ENTREP2: variants seen among roughly 807,000 people sequenced by gnomAD.
ENTREP2 encodes protein ENTREP2.
chr15:29,119,227 G>C, the ENTREP2 span, among the ~76,000 whole-genome samples: 3 of 152,168 alleles, frequency 2.0e-5, no homozygotes, highest in Non-Finnish European at 4.4e-5. Context: ...AGAGAGCTGC[G>C]TATATGCCGA....
chr15:29,295,462 C>T, the ENTREP2 span, among the ~76,000 whole-genome samples: 1 of 152,204 alleles, frequency 6.6e-6, no homozygotes, highest in Non-Finnish European at 1.5e-5. Context: ...GTACTCATCC[C>T]TTATCCTTAG....
At chr15:29,279,405 A>C in the ENTREP2 span, among the ~76,000 whole-genome samples, 1 of 151,230 alleles carries the variant, frequency 6.6e-6, no homozygotes, top group South Asian at 2.1e-4. Flanking sequence ...TGGCTGTGTC[A>C]CCAGGCTGGT....
chr15:29,377,862 T>TAATAATAATAA, the ENTREP2 span, among the ~76,000 whole-genome samples: 37 of 100,974 alleles, frequency 3.7e-4, no homozygotes, highest in Non-Finnish European at 7.3e-4. Flanking sequence ...ATAATAATAA[T>TAATAATAATAA]AAAAAAATGA....
chr15:29,231,598 C>A, the ENTREP2 span, among the ~76,000 whole-genome samples: 1 of 151,992 alleles, frequency 6.6e-6, no homozygotes, highest in Non-Finnish European at 1.5e-5. Context: ...ATCCATATAT[C>A]CTTAGGAAAA....
At chr15:29,591,076 TTCTA>T in the ENTREP2 span, among the ~76,000 whole-genome samples, 1 of 152,200 alleles carries the variant, frequency 6.6e-6, no homozygotes, top group Admixed American at 6.5e-5. Context: ...TCTCATTTCT[TTCTA>T]TCTAAAAACA....
At chr15:29,624,606 A>T in the ENTREP2 span, among the ~76,000 whole-genome samples, 2 of 152,194 alleles carry the variant, frequency 1.3e-5, no homozygotes, top group Non-Finnish European at 2.9e-5. Flanking sequence ...CTAACTACAG[A>T]ATTTAAGAAA....
chr15:29,651,457 G>A, the ENTREP2 span, among the ~76,000 whole-genome samples: 3 of 152,200 alleles, frequency 2.0e-5, no homozygotes, highest in Admixed American at 2.0e-4. Flanking sequence ...GCAGCAGACA[G>A]GCAGGCCTGG....
the ENTREP2 span, among the ~76,000 whole-genome samples, chr15:29,547,532 T>C: frequency 2.0e-5 from 3 of 152,310 alleles, no homozygotes; most frequent in Admixed American, 2.0e-4. Flanking sequence ...CAACAAGGTA[T>C]CACCTCACCC....
chr15:29,652,933 G>C, the ENTREP2 span, among the ~76,000 whole-genome samples: 1 of 152,288 alleles, frequency 6.6e-6, no homozygotes, highest in African/African-American at 2.4e-5. Context: ...GTCAGACAAA[G>C]GCACCACCAA....
chr15:29,269,218 T>G, the ENTREP2 span: 1 of 1,614,092 alleles, frequency 6.2e-7, no homozygotes. Context: ...CTCGGCATCC[T>G]CCTCCACAGG....
chr15:29,588,590 A>G, the ENTREP2 span, among the ~76,000 whole-genome samples: 4 of 144,072 alleles, frequency 2.8e-5, no homozygotes, highest in Non-Finnish European at 6.0e-5. Flanking sequence ...GGAGGGAGGG[A>G]GGAAGGAAGG....
At chr15:29,577,055 C>T in the ENTREP2 span, among the ~76,000 whole-genome samples, 1 of 151,960 alleles carries the variant, frequency 6.6e-6, no homozygotes, top group Non-Finnish European at 1.5e-5. Context: ...GATCTGCCCA[C>T]CTCAGCCTCC....
the ENTREP2 span, among the ~76,000 whole-genome samples, chr15:29,448,734 C>A: frequency 6.6e-6 from 1 of 152,128 alleles, no homozygotes; most frequent in Non-Finnish European, 1.5e-5. Flanking sequence ...ATAAATATCA[C>A]ATCACATCGG....
chr15:29,233,883 C>A, the ENTREP2 span: 1 of 1,580,024 alleles, frequency 6.3e-7, no homozygotes. Flanking sequence ...TGAGCCTGAG[C>A]TGACATTGTA....
chr15:29,450,363 T>C, the ENTREP2 span, among the ~76,000 whole-genome samples: 2 of 152,212 alleles, frequency 1.3e-5, no homozygotes, highest in Non-Finnish European at 2.9e-5. Flanking sequence ...AGTTTTGGGT[T>C]TTTACATTTT....
chr15:29,553,149 A>C, the ENTREP2 span, among the ~76,000 whole-genome samples: 2 of 152,200 alleles, frequency 1.3e-5, no homozygotes, highest in Admixed American at 1.3e-4. Flanking sequence ...TACAAAAATT[A>C]GCCACTTATG....
the ENTREP2 span, among the ~76,000 whole-genome samples, chr15:29,180,084 A>G: frequency 1.3e-5 from 2 of 152,148 alleles, no homozygotes; most frequent in Non-Finnish European, 2.9e-5. Flanking sequence ...GAAACCAAGA[A>G]CAGGAGGACA....
At chr15:29,135,166 T>C in the ENTREP2 span, among the ~76,000 whole-genome samples, 1 of 147,280 alleles carries the variant, frequency 6.8e-6, no homozygotes, top group South Asian at 2.1e-4. The surrounding 1 kb of genome is among the most constrained non-coding windows in gnomAD (Gnocchi z 7.4). Context: ...CCACGCCCTC[T>C]GCTCCAACTC....
At chr15:29,364,649 G>A in the ENTREP2 span, among the ~76,000 whole-genome samples, 1 of 152,206 alleles carries the variant, frequency 6.6e-6, no homozygotes, top group Non-Finnish European at 1.5e-5. Context: ...GGGAGACAGA[G>A]ATAGATCATG....
Sources: gnomAD v4.1 joint callset for allele counts (sites outside exome capture counted in the v4.1 genomes callset) on GRCh38, gnomAD v4.1.1 for gene constraint, Gnocchi (gnomAD v3.1) non-coding constraint, MANE v1.5 for transcripts, NCBI Gene and HGNC (gene_info 2026-07-23, HGNC 2026-07-21) for gene names.